GK: variants seen among roughly 807,000 people sequenced by gnomAD.
The protein encoded by GK is ATP:glycerol 3-phosphotransferase.
In GK, 9 loss-of-function variants were observed where a neutral mutation model predicts 56.4. That is an observed-to-expected ratio of 0.16 (90% CI 0.10 to 0.28). The LOEUF is 0.28. Ranked by LOEUF, GK falls within the 10% of genes least tolerant of loss-of-function variation. The pLI, the probability that GK is intolerant of heterozygous loss-of-function variation, is 1.00. For missense variants in GK, 161 were observed against 431.4 expected, an observed-to-expected ratio of 0.37 and a Z score of 5.55; for synonymous variants, 104 against 144.1, an observed-to-expected ratio of 0.72 and a Z score of 1.99.
intron 13 of GK, among the ~76,000 whole-genome samples, chrX:30,713,246 C>T (rs745676564): frequency 4.3e-4 from 48 of 111,509 alleles, no homozygotes; most frequent in African/African-American, 1.5e-3. Flanking sequence ...TTTTGGACCC[C>T]TTTCTTCTGG....
At chrX:30,667,095 A>C (rs1197529245) in intron 2 of GK, among the ~76,000 whole-genome samples, 1 of 111,138 alleles carries the variant, frequency 9.0e-6, no homozygotes, top group Non-Finnish European at 1.9e-5. Flanking sequence ...CGGAGCTTGC[A>C]GTGAGCCGAG....
At chrX:30,695,926 A>C (rs995293868) in intron 6 of GK, 116 bp from the exon 7 acceptor site, 1 of 516,037 alleles carries the variant, frequency 1.9e-6, no homozygotes, top group East Asian at 3.7e-5. Flanking sequence ...AGAAGGTAAA[A>C]AAATGTAATG....
intron 13 of GK, among the ~76,000 whole-genome samples, chrX:30,714,085 T>A (rs1417420357): frequency 1.8e-5 from 2 of 111,956 alleles, no homozygotes; most frequent in Admixed American, 9.4e-5. Context: ...GCCTCCCTGG[T>A]TTCTTTAAAT....
intron 18 of GK, among the ~76,000 whole-genome samples, chrX:30,723,254 G>C (rs1359233263): frequency 9.1e-6 from 1 of 109,819 alleles, no homozygotes; most frequent in Non-Finnish European, 1.9e-5. Context: ...AATTAGCTGG[G>C]CGTGGTGGTG....
At chrX:30,665,214 A>G (rs1174746640) in intron 1 of GK, among the ~76,000 whole-genome samples, 3 of 111,983 alleles carry the variant, frequency 2.7e-5, no homozygotes, top group Non-Finnish European at 5.6e-5. Flanking sequence ...ATAAATCCAT[A>G]TTATTAATTA....
chrX:30,681,492 A>G lies in GK; in HGVS notation c.337+4040A>G, dbSNP rs372408450. On this transcript the variant is annotated intron_variant, in intron 4 of 20. Transcript: ENST00000427190. ...GGGAAAAGGTGAAGAAGTTTAATAT[A>G]TTTGTAATTGGACTTCCAGAAGGAA... 2.4e-3 allele frequency among the ~76,000 whole-genome samples: 270 copies of G among 112,164 alleles called. 1 individual carries two copies. The highest frequency in any genetic ancestry group is 8.3e-3 in the African/African-American group (257 of 30,947).
At chrX:30,710,584 A>G (rs1936270138) in intron 13 of GK, among the ~76,000 whole-genome samples, 3 of 111,515 alleles carry the variant, frequency 2.7e-5, no homozygotes, top group Admixed American at 1.9e-4. Context: ...TTTTTTTGTA[A>G]ATGCTTACAA....
chrX:30,708,020 C>A, intron 12 of GK, 34 bp from the exon 13 acceptor site: 1 of 872,577 alleles, frequency 1.1e-6, no homozygotes, highest in Non-Finnish European at 1.7e-6. Flanking sequence ...TTTCATTTTC[C>A]ACTACTGAAA....
intron 13 of GK, among the ~76,000 whole-genome samples, chrX:30,714,884 G>T (rs750116816): frequency 6.2e-5 from 7 of 112,172 alleles, no homozygotes; most frequent in Non-Finnish European, 9.4e-5. Flanking sequence ...TCCCCAACTT[G>T]TTACTGAAGT....
chrX:30,719,643 G>A (rs1936805120), intron 15 of GK, 128 bp downstream of exon 15: 2 of 470,539 alleles, frequency 4.3e-6, no homozygotes, highest in Non-Finnish European at 7.4e-6. Context: ...TCTTTTTGGA[G>A]AATATAATTT....
chrX:30,653,548 C>T lies in GK; in HGVS notation c.11C>T (p.Ser4Leu). The change falls in exon 1 of 21, where the codon TCA becomes TTA. Residue 4 changes from serine (S) to leucine (L), a missense_variant. Ser to Leu is a moderately radical substitution (Grantham distance 145). Transcript: ENST00000427190. MAA[S>L]KKAVLGPLVG... ...CCTGAAGCTGGTTTCATGGCAGCCT[C>T]AAAGAAGGCAGTTTTGGGGCCATTG... The T allele has an allele frequency of 1.7e-6, 2 of 1,211,111 alleles. No individual in the cohort carries two copies. The highest frequency in any genetic ancestry group is 2.2e-6 in the Non-Finnish European group (2 of 894,680).
intron 4 of GK, among the ~76,000 whole-genome samples, chrX:30,683,500 A>T (rs1027449210): frequency 8.9e-6 from 1 of 111,987 alleles, no homozygotes; most frequent in South Asian, 3.7e-4. Flanking sequence ...CGGTAACAGA[A>T]AAACCAAGAT....
At chrX:30,673,753 G>T (rs1304507619) in intron 3 of GK, among the ~76,000 whole-genome samples, 1 of 111,931 alleles carries the variant, frequency 8.9e-6, no homozygotes, top group Non-Finnish European at 1.9e-5. Flanking sequence ...CTGAAGAAAA[G>T]TTAAAATGAC....
intron 9 of GK, 139 bp from the exon 10 acceptor site, chrX:30,700,275 C>T (rs1458061424): frequency 1.3e-5 from 6 of 453,630 alleles, no homozygotes; most frequent in Non-Finnish European, 1.6e-5. Flanking sequence ...CTTTATCATT[C>T]ATTTAGTTGA....
chrX:30,720,189 G>A (rs774133989), intron 16 of GK, 94 bp downstream of exon 16: 6 of 577,475 alleles, frequency 1.0e-5, no homozygotes, highest in African/African-American at 9.0e-5. Flanking sequence ...TACTGAAAAT[G>A]TAGTTAATCA....
chrX:30,724,226 T>C, intron 19 of GK, 45 bp downstream of exon 19: 1 of 799,983 alleles, frequency 1.3e-6, no homozygotes, highest in Non-Finnish European at 1.9e-6. Flanking sequence ...CTTAGTATAT[T>C]AAATAGTTAT....
chrX:30,669,803 G>A (rs184313550), intron 3 of GK, among the ~76,000 whole-genome samples: 2 of 111,091 alleles, frequency 1.8e-5, no homozygotes, highest in African/African-American at 6.5e-5. Context: ...TAAAAAAAAA[G>A]ACTACAAATC....
chrX:30,671,300 A>G (rs1320694100), intron 3 of GK, among the ~76,000 whole-genome samples: 2 of 108,125 alleles, frequency 1.8e-5, no homozygotes. Flanking sequence ...TCAAAAAAAA[A>G]AAAAAAAAAA....
At chrX:30,659,991 C>G (rs894198272) in intron 1 of GK, among the ~76,000 whole-genome samples, 3 of 111,599 alleles carry the variant, frequency 2.7e-5, no homozygotes, top group East Asian at 2.8e-4. Flanking sequence ...TCAGGTGATC[C>G]ACCCACCTCG....
Sources: gnomAD v4.1 joint callset for allele counts (sites outside exome capture counted in the v4.1 genomes callset) on GRCh38, gnomAD v4.1.1 for gene constraint, MANE v1.5 for transcripts, NCBI Gene and HGNC (gene_info 2026-07-23, HGNC 2026-07-21) for gene names.